The following ADAMTSL1 variants were observed in gnomAD, a reference collection of about 807,000 sequenced individuals.
ADAMTSL1 encodes ADAMTS-like protein 1.
A neutral mutation model predicts 201.8 loss-of-function variants in ADAMTSL1; 126 were observed. The observed-to-expected ratio is 0.62, with a 90% CI of 0.54 to 0.72. The LOEUF (loss-of-function observed/expected upper bound fraction) is 0.72, where lower values mean the gene tolerates loss of function less well. Among genes scored for constraint, ADAMTSL1 ranks in the 30% least tolerant of loss-of-function variants. The pLI, the probability that ADAMTSL1 is intolerant of heterozygous loss-of-function variation, is 0.00. For synonymous variants in ADAMTSL1, 1,121 were observed against 903.4 expected (o/e 1.24, Z -4.32); for missense variants, 2,679 against 2,277.8 (o/e 1.18, Z -3.59).
intron 2 of ADAMTSL1, among the ~76,000 whole-genome samples, chr9:18,440,446 C>T (rs1212780173): frequency 6.6e-6 from 1 of 151,156 alleles, no homozygotes; most frequent in Non-Finnish European, 1.5e-5. Flanking sequence ...AAGGACCCAT[C>T]CTGCTCATTC....
intron 2 of ADAMTSL1, among the ~76,000 whole-genome samples, chr9:18,190,861 C>T (rs552353666): frequency 1.2e-4 from 18 of 152,122 alleles, no homozygotes; most frequent in Non-Finnish European, 2.1e-4. Flanking sequence ...CAATAAGTGG[C>T]GCTATGTCTT....
chr9:18,906,614 T>C, intron 27 of ADAMTSL1, 78 bp from the exon 28 acceptor site: 1 of 1,209,974 alleles, frequency 8.3e-7, no homozygotes, highest in Non-Finnish European at 1.1e-6. Context: ...ATTTCTGAGT[T>C]TGCAGCACTA....
At chr9:18,417,344 TA>T (rs1818724852) in intron 2 of ADAMTSL1, among the ~76,000 whole-genome samples, 1 of 41,266 alleles carries the variant, frequency 2.4e-5, no homozygotes, top group Non-Finnish European at 5.1e-5. Flanking sequence ...AAATAAAGGC[TA>T]AATGAGAACT....
chr9:18,776,046 C>A, intron 18 of ADAMTSL1, 150 bp downstream of exon 18: 2 of 1,115,564 alleles, frequency 1.8e-6, no homozygotes, highest in Non-Finnish European at 2.5e-6. Context: ...GAGAGCTCAG[C>A]TGGAGACGGA....
At chr9:18,505,102 AATTTGTGTTCTTACGTGTTTTT>A in intron 2 of ADAMTSL1, 146 bp downstream of exon 2, 3 of 1,114,714 alleles carry the variant, frequency 2.7e-6, no homozygotes, top group Non-Finnish European at 3.6e-6. Flanking sequence ...CAAATAATTA[AATTTGTGTTCTTACGTGTTTTT>A]ATTTGTGTTC....
At chr9:18,292,400 C>G (rs571324045) in intron 2 of ADAMTSL1, among the ~76,000 whole-genome samples, 1 of 152,216 alleles carries the variant, frequency 6.6e-6, no homozygotes, top group South Asian at 2.1e-4. Context: ...TAGGCAAATT[C>G]TCAGTGTTAG....
chr9:18,533,602 C>T (rs1356682577), intron 3 of ADAMTSL1, among the ~76,000 whole-genome samples: 1 of 152,116 alleles, frequency 6.6e-6, no homozygotes, highest in African/African-American at 2.4e-5. Context: ...AAAGGGAAAC[C>T]AGTTGGGGTA....
chr9:18,046,910 C>T (rs916192348), intron 1 of ADAMTSL1, among the ~76,000 whole-genome samples: 1 of 152,006 alleles, frequency 6.6e-6, no homozygotes, highest in Admixed American at 6.6e-5. Flanking sequence ...GATAAAGAGA[C>T]TGAATTTTCT....
intron 2 of ADAMTSL1, among the ~76,000 whole-genome samples, chr9:18,185,987 G>T (rs1056565466): frequency 6.6e-6 from 1 of 152,178 alleles, no homozygotes; most frequent in East Asian, 1.9e-4. Context: ...TATGGTCAAA[G>T]AATTACATAT....
chr9:18,014,837 T>C (rs1431290562), intron 1 of ADAMTSL1, among the ~76,000 whole-genome samples: 1 of 151,978 alleles, frequency 6.6e-6, no homozygotes, highest in African/African-American at 2.4e-5. Flanking sequence ...TCAGAGTCAT[T>C]ACCAGGAGTG....
intron 14 of ADAMTSL1, among the ~76,000 whole-genome samples, chr9:18,720,701 T>G (rs909943536): frequency 6.6e-6 from 1 of 152,264 alleles, no homozygotes; most frequent in South Asian, 2.1e-4. Flanking sequence ...GAGAATCGCT[T>G]GAACCCGGAA....
chr9:18,430,888 G>A (rs1819458460), intron 2 of ADAMTSL1, among the ~76,000 whole-genome samples: 2 of 152,188 alleles, frequency 1.3e-5, no homozygotes, highest in South Asian at 2.1e-4. Context: ...AGAATGATTA[G>A]CCCCATAGTG....
chr9:18,282,272 C>G (rs1832820483), intron 2 of ADAMTSL1, among the ~76,000 whole-genome samples: 1 of 152,100 alleles, frequency 6.6e-6, no homozygotes. Flanking sequence ...GATAGTATTC[C>G]ATGGTTTCTA....
intron 23 of ADAMTSL1, among the ~76,000 whole-genome samples, chr9:18,852,357 T>C (rs1294204325): frequency 6.6e-6 from 1 of 152,236 alleles, no homozygotes; most frequent in African/African-American, 2.4e-5. Context: ...CCTTCCCACA[T>C]AGTAAATGCT....
At chr9:18,524,090 C>T (rs1330209092) in intron 2 of ADAMTSL1, among the ~76,000 whole-genome samples, 1 of 150,994 alleles carries the variant, frequency 6.6e-6, no homozygotes, top group Non-Finnish European at 1.5e-5. Context: ...AATGTTCTTC[C>T]ATTTGTTTGT....
At chr9:18,260,286 G>T (rs1006981050) in intron 2 of ADAMTSL1, among the ~76,000 whole-genome samples, 5 of 152,168 alleles carry the variant, frequency 3.3e-5, no homozygotes, top group African/African-American at 1.2e-4. Flanking sequence ...CATGCTTCCA[G>T]TACCAAATCA....
intron 1 of ADAMTSL1, among the ~76,000 whole-genome samples, chr9:18,141,013 A>G (rs1826374724): frequency 6.6e-6 from 1 of 152,140 alleles, no homozygotes; most frequent in Non-Finnish European, 1.5e-5. Context: ...ATGGTTTCTT[A>G]TTTATATGAA....
intron 1 of ADAMTSL1, among the ~76,000 whole-genome samples, chr9:18,101,756 A>C (rs1824532946): frequency 6.6e-6 from 1 of 152,194 alleles, no homozygotes; most frequent in Admixed American, 6.5e-5. Flanking sequence ...AGGTTCGAGT[A>C]AGAAGACATG....
chr9:17,927,561 A>G (rs1422005637), intron 1 of ADAMTSL1, among the ~76,000 whole-genome samples: 1 of 152,108 alleles, frequency 6.6e-6, no homozygotes, highest in Non-Finnish European at 1.5e-5. Flanking sequence ...GCAACTTCAG[A>G]TCAAAATATC....
Sources: allele counts gnomAD v4.1 joint callset (sites outside exome capture counted in the v4.1 genomes callset), GRCh38; gene constraint gnomAD v4.1.1; transcripts MANE v1.5; gene names NCBI Gene and HGNC (gene_info 2026-07-23, HGNC 2026-07-21).